EFCAB10: variants seen among roughly 807,000 people sequenced by gnomAD.
EFCAB10 encodes EF-hand calcium binding domain 10.
A neutral mutation model predicts 7.7 loss-of-function variants in EFCAB10; 7 were observed. The observed-to-expected ratio is 0.91, with a 90% CI of 0.52 to 1.72. EFCAB10 has a LOEUF of 1.72. Among genes scored for constraint, EFCAB10 ranks in the 40% most tolerant of loss-of-function variants. EFCAB10 has a pLI of 0.00. For missense variants in EFCAB10, 112 were observed against 61.5 expected (o/e 1.82, Z -2.74); for synonymous variants, 52 against 21.0 (o/e 2.47, Z -4.03).
At chr7:105,571,072 TG>T (rs1458082609) in intron 1 of EFCAB10, 1 of 152,100 alleles carries the variant, frequency 6.6e-6, no homozygotes, top group East Asian at 1.9e-4. Context: ...GAGAATTTCA[TG>T]TTTATAAAAG....
At position 105,565,143 on chromosome 7, in the gene EFCAB10, T is replaced by C. The variant is rs1791642585; in HGVS notation, c.*304A>G. The C allele has an allele frequency of 1.6e-6, 1 of 611,386 alleles. No homozygotes were observed. The highest frequency in any genetic ancestry group is 2.7e-6 in the Non-Finnish European group (1 of 370,592). The allele number at this position is 611,386 out of a possible 1,614,324, so 37.9% of individuals were successfully genotyped here. On this transcript the variant is annotated 3_prime_UTR_variant, in exon 5 of 5. Coordinates refer to ENST00000480514, the MANE Select transcript of EFCAB10 (RefSeq NM_001355526.2). ...GGTACATTTATTTTCTGATAGAGCT[T>C]TTAATGTTAGGCTGTATATTTTTTC...
At chr7:105,567,311 ATGTCTTTC>A in intron 4 of EFCAB10, 148 bp downstream of exon 4, 1 of 1,577,694 alleles carries the variant, frequency 6.3e-7, no homozygotes, top group East Asian at 2.2e-5. Context: ...CTGGAAAATA[ATGTCTTTC>A]AGAAAAAGGT....
chr7:105,580,886 A>G (rs973051688), intron 1 of EFCAB10, among the ~76,000 whole-genome samples: 4 of 152,134 alleles, frequency 2.6e-5, no homozygotes, highest in African/African-American at 9.7e-5. Context: ...TCCCCTCTAG[A>G]ACATCTTCTA....
rs199604799 is a variant in EFCAB10, at chr7:105,567,295, C to T, written c.383+172G>A. ...CTACTTAATTTGAGGACAAATTGGC[C>T]TAATACTGGAAAATAATGTCTTTCA... is the stretch of plus-strand genomic sequence containing the variant. On this transcript the variant is annotated intron_variant, in intron 4 of 4. Coordinates refer to ENST00000480514, the MANE Select transcript of EFCAB10 (RefSeq NM_001355526.2). 16 of 1,595,830 alleles carry T rather than the reference C, an allele frequency of 1.0e-5. No individual in the cohort carries two copies. In the Admixed American group the frequency reaches 2.0e-4, roughly 20 times the overall value.
At chr7:105,579,959 C>T (rs1238625091) in intron 1 of EFCAB10, among the ~76,000 whole-genome samples, 1 of 151,472 alleles carries the variant, frequency 6.6e-6, no homozygotes, top group Non-Finnish European at 1.5e-5. Context: ...ATAATATATC[C>T]CTTGTTATGA....
intron 4 of EFCAB10, chr7:105,566,741 G>A (rs1198997166): frequency 6.5e-6 from 1 of 153,528 alleles, no homozygotes; most frequent in Non-Finnish European, 1.4e-5. Flanking sequence ...ACGTTTCATA[G>A]GACTGTTTTT....
chr7:105,581,452 G>T lies in EFCAB10; in HGVS notation c.12C>A (p.Ser4Arg), dbSNP rs1562870982. Reference sequence around the variant, plus strand: ...ACTCCGCGGCTTGGAGCTCCCTGCTGCTGGTCTCCATCGCTCCGCGTCCCG... The same window carrying T: ...ACTCCGCGGCTTGGAGCTCCCTGCTTCTGGTCTCCATCGCTCCGCGTCCCG... MET[S>R]SRELQAAEYL... The change falls in exon 1 of 5, where the codon AGC (serine) becomes AGA (arginine). Residue 4 changes from serine to arginine, a missense_variant. Physicochemically the swap from Ser to Arg is moderately radical, Grantham distance 110. Coordinates refer to ENST00000480514, the MANE Select transcript of EFCAB10 (RefSeq NM_001355526.2). The T allele has an allele frequency of 1.4e-6, 1 of 703,148 alleles. No individual in the cohort carries two copies. Among genetic ancestry groups the T allele is most frequent in the East Asian group, 2.7e-5 (1 of 37,282 alleles). 43.6% of individuals were successfully genotyped at this position (703,148 alleles called of 1,614,324 possible).
chr7:105,581,293 G>T, intron 1 of EFCAB10, 65 bp downstream of exon 1: 1 of 689,554 alleles, frequency 1.5e-6, no homozygotes, highest in Non-Finnish European at 2.7e-6. Flanking sequence ...TGTAAGAGGG[G>T]GGTTTCGTGT....
intron 1 of EFCAB10, among the ~76,000 whole-genome samples, chr7:105,580,001 G>GTT (rs926125882): frequency 2.0e-5 from 3 of 147,824 alleles, no homozygotes; most frequent in African/African-American, 7.5e-5. Flanking sequence ...TTTATTTTTA[G>GTT]TTTTTTTTTT....
chr7:105,566,871 T>C (rs1464309987), intron 4 of EFCAB10: 1 of 266,906 alleles, frequency 3.7e-6, no homozygotes, highest in Admixed American at 5.2e-5. Context: ...TTAAGTATTG[T>C]ATTTAGGGAA....
intron 1 of EFCAB10, among the ~76,000 whole-genome samples, chr7:105,577,075 C>T (rs191425311): frequency 6.7e-6 from 1 of 150,206 alleles, no homozygotes; most frequent in Admixed American, 6.6e-5. Flanking sequence ...AAGTGGTACC[C>T]ATGTCTCAGT....
intron 1 of EFCAB10, among the ~76,000 whole-genome samples, 163 bp from the exon 2 acceptor site, chr7:105,569,734 A>T (rs1791888362): frequency 6.6e-6 from 1 of 152,176 alleles, no homozygotes; most frequent in South Asian, 2.1e-4. Context: ...AAGGTAAGAC[A>T]TTGAACACTT....
In EFCAB10 at chr7:105,577,842, C is replaced by T. The variant is rs1482563294; in HGVS notation, c.106+3516G>A. Among the ~76,000 whole-genome samples, 2 of 152,098 alleles carry T rather than the reference C, an allele frequency of 1.3e-5. 1 individual carries two copies. The highest frequency in any genetic ancestry group is 2.9e-5 in the Non-Finnish European group (2 of 68,038). On this transcript the variant is annotated intron_variant, in intron 1 of 4. Coordinates refer to ENST00000480514, the MANE Select transcript of EFCAB10 (RefSeq NM_001355526.2). ...CAAGCGATTCTCCTGTCTCAGCCTCCCGAATAACTGATTACAAGCATGTGC... is the reference window on the plus strand; with the variant it reads ...CAAGCGATTCTCCTGTCTCAGCCTCTCGAATAACTGATTACAAGCATGTGC...
chr7:105,577,821 C>T (rs1020216720), intron 1 of EFCAB10, among the ~76,000 whole-genome samples: 2 of 151,768 alleles, frequency 1.3e-5, no homozygotes, highest in Middle Eastern at 3.2e-3. Context: ...CGCGTTCAAG[C>T]GATTCTCCTG....
chr7:105,577,820 G>A (rs1792120688), intron 1 of EFCAB10, among the ~76,000 whole-genome samples: 2 of 151,892 alleles, frequency 1.3e-5, no homozygotes, highest in Admixed American at 6.6e-5. Flanking sequence ...CCGCGTTCAA[G>A]CGATTCTCCT....
intron 1 of EFCAB10, among the ~76,000 whole-genome samples, chr7:105,580,199 C>T (rs1285712224): frequency 6.6e-6 from 1 of 152,108 alleles, no homozygotes; most frequent in Non-Finnish European, 1.5e-5. Flanking sequence ...GTTGCCCAGG[C>T]TGGTCTATGA....
chr7:105,569,884 C>A (rs1440265150), intron 1 of EFCAB10, among the ~76,000 whole-genome samples: 4 of 151,944 alleles, frequency 2.6e-5, no homozygotes, highest in Non-Finnish European at 5.9e-5. Flanking sequence ...ATAGAGGGAA[C>A]AGCATAATAC....
chr7:105,569,048 C>T (rs1335267071), intron 3 of EFCAB10, among the ~76,000 whole-genome samples, 155 bp downstream of exon 3: 2 of 151,996 alleles, frequency 1.3e-5, no homozygotes, highest in East Asian at 1.9e-4. Flanking sequence ...GGGACTTTAC[C>T]GTCAGCCTTA....
intron 1 of EFCAB10, among the ~76,000 whole-genome samples, chr7:105,580,854 T>TA (rs1010464797): frequency 1.3e-5 from 2 of 152,002 alleles, no homozygotes; most frequent in Middle Eastern, 3.2e-3. Flanking sequence ...TTCAGATGTG[T>TA]AAAAAAAGTC....
Sources: gnomAD v4.1 joint callset for allele counts (sites outside exome capture counted in the v4.1 genomes callset) on GRCh38, gnomAD v4.1.1 for gene constraint, MANE v1.5 for transcripts, NCBI Gene and HGNC (gene_info 2026-07-23, HGNC 2026-07-21) for gene names.